LRP1B: variants seen among roughly 807,000 people sequenced by gnomAD.
The protein encoded by LRP1B is LDL receptor related protein 1B, also known as low-density lipoprotein receptor-related protein 1B.
Under a neutral mutation model 556.6 loss-of-function variants are expected in LRP1B, and 217 were observed. The observed-to-expected ratio is 0.39, with a 90% CI of 0.35 to 0.44. LRP1B has a LOEUF of 0.44. Among genes scored for constraint, LRP1B ranks in the 20% least tolerant of loss-of-function variants. The pLI is 1.00. For missense variants in LRP1B, 5,053 were observed against 5,620.8 expected (o/e 0.90, Z 3.23); for synonymous variants, 2,047 against 1,865.8 (o/e 1.10, Z -2.50).
intron 9 of LRP1B, among the ~76,000 whole-genome samples, chr2:141,058,093 T>C (rs561272958): frequency 1.3e-5 from 2 of 152,014 alleles, no homozygotes; most frequent in South Asian, 2.1e-4. Context: ...CATAGAATAG[T>C]TCCTGGAACA....
intron 21 of LRP1B, among the ~76,000 whole-genome samples, chr2:140,912,424 CAT>C (rs1694446673): frequency 1.3e-5 from 2 of 151,390 alleles, no homozygotes; most frequent in Non-Finnish European, 3.0e-5. Flanking sequence ...AATAGTAAAA[CAT>C]ATTATAGACA....
chr2:140,616,150 A>C (rs1231557378), intron 41 of LRP1B, among the ~76,000 whole-genome samples: 1 of 151,950 alleles, frequency 6.6e-6, no homozygotes, highest in Admixed American at 6.6e-5. Flanking sequence ...TAATAGTACC[A>C]TTTCCTTGGA....
intron 66 of LRP1B, among the ~76,000 whole-genome samples, chr2:140,435,642 TCA>T (rs1294035792): frequency 2.7e-5 from 4 of 148,520 alleles, no homozygotes; most frequent in South Asian, 2.2e-4. Flanking sequence ...AATTTAAATC[TCA>T]CAGTTTCCTG....
intron 1 of LRP1B, among the ~76,000 whole-genome samples, chr2:141,924,541 TC>T (rs913894855): frequency 6.6e-6 from 1 of 152,108 alleles, no homozygotes; most frequent in African/African-American, 2.4e-5. Flanking sequence ...ACTTAAGCCA[TC>T]TGCAGACAGC....
At chr2:140,700,982 C>T (rs555666911) in intron 40 of LRP1B, among the ~76,000 whole-genome samples, 19 of 152,160 alleles carry the variant, frequency 1.2e-4, no homozygotes, top group African/African-American at 4.3e-4. Context: ...AAATAATGCA[C>T]TGCTTTAAAC....
At chr2:141,258,017 C>G (rs442660) in intron 3 of LRP1B, among the ~76,000 whole-genome samples, 60,593 of 152,048 alleles carry the variant, frequency 0.4, 12,105 homozygotes, top group South Asian at 0.5. Context: ...TGACTTTCGT[C>G]AAGCATAGCC....
intron 7 of LRP1B, among the ~76,000 whole-genome samples, chr2:141,159,631 T>C (rs1702155911): frequency 6.6e-6 from 1 of 152,136 alleles, no homozygotes; most frequent in Non-Finnish European, 1.5e-5. Context: ...AGTGTTGCCT[T>C]TTGTTATCAT....
intron 1 of LRP1B, among the ~76,000 whole-genome samples, chr2:141,840,726 A>C (rs534025337): frequency 6.6e-6 from 1 of 152,318 alleles, no homozygotes; most frequent in Non-Finnish European, 1.5e-5. Context: ...GTGGTAAATT[A>C]GCACTGCCAG....
intron 2 of LRP1B, among the ~76,000 whole-genome samples, chr2:141,770,546 T>C (rs1482159087): frequency 6.6e-6 from 1 of 152,250 alleles, no homozygotes; most frequent in East Asian, 1.9e-4. Context: ...GCTATAAATA[T>C]AGAGAAGCGT....
chr2:141,733,032 T>C (rs1488022516), intron 2 of LRP1B, among the ~76,000 whole-genome samples: 2 of 152,052 alleles, frequency 1.3e-5, no homozygotes, highest in Admixed American at 6.6e-5. Flanking sequence ...CTGTGCCTAA[T>C]GTGAGGATCA....
intron 3 of LRP1B, among the ~76,000 whole-genome samples, chr2:141,461,082 A>G (rs926669031): frequency 6.6e-6 from 1 of 152,086 alleles, no homozygotes; most frequent in Admixed American, 6.6e-5. Flanking sequence ...CTTTAAAGCC[A>G]TGAGAGTAAA....
At chr2:141,188,709 G>T in intron 6 of LRP1B, 126 bp from the exon 7 acceptor site, 2 of 744,028 alleles carry the variant, frequency 2.7e-6, no homozygotes, top group Non-Finnish European at 2.1e-6. Flanking sequence ...TTTATGAAAA[G>T]AAACTGCAAA....
At chr2:141,112,993 T>C (rs1700793122) in intron 7 of LRP1B, among the ~76,000 whole-genome samples, 1 of 152,186 alleles carries the variant, frequency 6.6e-6, no homozygotes, top group Admixed American at 6.5e-5. Context: ...AAAAGGCAAA[T>C]TGATAATATG....
intron 66 of LRP1B, among the ~76,000 whole-genome samples, chr2:140,432,239 A>G (rs996483861): frequency 6.6e-6 from 1 of 151,866 alleles, no homozygotes; most frequent in Non-Finnish European, 1.5e-5. Flanking sequence ...CCCCCCTTTG[A>G]CTGTAATTTT....
At chr2:141,181,101 G>C (rs1680972155) in intron 7 of LRP1B, among the ~76,000 whole-genome samples, 1 of 151,852 alleles carries the variant, frequency 6.6e-6, no homozygotes, top group African/African-American at 2.4e-5. Context: ...TCTTATTTAG[G>C]TGGGCATGTA....
chr2:140,555,637 C>T (rs1026717300), intron 43 of LRP1B, among the ~76,000 whole-genome samples: 1 of 152,030 alleles, frequency 6.6e-6, no homozygotes, highest in Admixed American at 6.6e-5. Flanking sequence ...GCTTTAAAAT[C>T]TTAAATATTC....
At chr2:140,253,150 A>C (rs1045235121) in intron 86 of LRP1B, among the ~76,000 whole-genome samples, 1 of 152,032 alleles carries the variant, frequency 6.6e-6, no homozygotes, top group Non-Finnish European at 1.5e-5. Flanking sequence ...CAACTCTATA[A>C]TACACTAAAA....
chr2:141,632,158 A>T (rs1411292785), intron 2 of LRP1B, among the ~76,000 whole-genome samples: 2 of 152,082 alleles, frequency 1.3e-5, no homozygotes, highest in African/African-American at 4.8e-5. Flanking sequence ...TTTTGGACTC[A>T]AGCAATCCAC....
At chr2:140,683,705 C>CT (rs981792595) in intron 41 of LRP1B, 23 of 729,754 alleles carry the variant, frequency 3.2e-5, no homozygotes, top group Admixed American at 2.0e-4. Context: ...GCTGGACTGT[C>CT]ATTAGAGACA....
Sources: gnomAD v4.1 joint callset for allele counts (sites outside exome capture counted in the v4.1 genomes callset) on GRCh38, gnomAD v4.1.1 for gene constraint, MANE v1.5 for transcripts, NCBI Gene and HGNC (gene_info 2026-07-23, HGNC 2026-07-21) for gene names.